The following QRFPR variants were observed in gnomAD, a reference collection of about 807,000 sequenced individuals.
The protein encoded by QRFPR is pyroglutamylated RF-amide peptide receptor.
In QRFPR, 37 loss-of-function variants were observed where a neutral mutation model predicts 31.3. The ratio of observed to expected loss-of-function variants is 1.18; its 90% CI spans 0.91 to 1.56. QRFPR has a LOEUF of 1.56. Ranked by LOEUF, QRFPR falls within the 40% of genes most tolerant of loss-of-function variation. QRFPR has a pLI of 0.00. For missense variants in QRFPR, 542 were observed against 532.5 expected, an observed-to-expected ratio of 1.02 and a Z score of -0.18; for synonymous variants, 197 against 192.0, an observed-to-expected ratio of 1.03 and a Z score of -0.22.
chr4:121,369,449 A>G, intron 1 of QRFPR: 3 of 952,522 alleles, frequency 3.1e-6, no homozygotes, highest in Non-Finnish European at 4.9e-6. Context: ...AGTGGGTGTG[A>G]GCACATTCAA....
In QRFPR at chr4:121,340,608, C is replaced by A. The variant is rs1025173784; in HGVS notation, c.343G>T (p.Ala115Ser). The part of the protein sequence containing the change: ...QNISDNWLGG[A>S]FICKMVPFVQ... Reference sequence around the variant, plus strand: ...AATGGCACCATCTTGCAAATGAAAGCACCTGCAGTAAGGAAATAGGACAAA... The same window carrying A: ...AATGGCACCATCTTGCAAATGAAAGAACCTGCAGTAAGGAAATAGGACAAA... The change falls in exon 2 of 6, where the codon GCT becomes TCT. Residue 115 changes from alanine to serine, a missense_variant and splice_region_variant. Transcript: ENST00000394427. 2.5e-6 allele frequency: 4 copies of A among 1,613,160 alleles called. No homozygotes were observed. Among genetic ancestry groups the A allele is most frequent in the Non-Finnish European group, 3.4e-6 (4 of 1,179,328 alleles).
chr4:121,380,556 A>C lies in QRFPR; in HGVS notation c.92T>G (p.Leu31Arg), dbSNP rs1226621087. 1.0e-5 allele frequency: 16 copies of C among 1,607,806 alleles called. No homozygotes were observed. The highest frequency in any genetic ancestry group is 1.4e-5 in the Non-Finnish European group (16 of 1,177,436). ...CTCTGGGGTGTAGACGAGCGGTCGC[A>C]GCCGGTACAGAGCGATGAACTGCTC... The part of the protein sequence containing the change: ...TREQFIALYR[L>R]RPLVYTPELP... The change falls in exon 1 of 6, where the codon CTG (leucine) becomes CGG (arginine). Residue 31 changes from leucine (L) to arginine (R), a missense_variant. Leu to Arg is a moderately radical substitution (Grantham distance 102). Transcript: ENST00000394427.
intron 1 of QRFPR, chr4:121,370,045 G>A: frequency 3.9e-6 from 3 of 772,894 alleles, no homozygotes; most frequent in East Asian, 2.4e-5. Flanking sequence ...GACATGGGTA[G>A]CTTTAGCCTT....
chr4:121,380,538 G>T lies in QRFPR; in HGVS notation c.110C>A (p.Thr37Asn). The change falls in exon 1 of 6, where the codon ACC (threonine) becomes AAC (asparagine). Residue 37 changes from threonine (T) to asparagine (N), a missense_variant. Thr to Asn is a moderately conservative substitution (Grantham distance 65). Transcript: ENST00000394427. Reference protein sequence around the residue: ...ALYRLRPLVYTPELPGRAKLA... With the variant: ...ALYRLRPLVYNPELPGRAKLA... ...CTTGGCGCGTCCCGGCAGCTCTGGG[G>T]TGTAGACGAGCGGTCGCAGCCGGTA... 1 of 1,612,536 alleles carries T rather than the reference G, an allele frequency of 6.2e-7. No individual in the cohort carries two copies. Among genetic ancestry groups the T allele is most frequent in the Non-Finnish European group, 8.5e-7 (1 of 1,179,318 alleles).
chr4:121,365,342 T>C (rs1179985048), intron 1 of QRFPR, among the ~76,000 whole-genome samples: 1 of 141,508 alleles, frequency 7.1e-6, no homozygotes, highest in Non-Finnish European at 1.5e-5. Context: ...TAGTCCCAGC[T>C]ACTCGGGAGG....
chr4:121,380,228 AGAGAG>A, intron 1 of QRFPR, 75 bp downstream of exon 1: 2 of 960,882 alleles, frequency 2.1e-6, no homozygotes, highest in East Asian at 5.0e-5. Flanking sequence ...AGAGAGAGAG[AGAGAG>A]AGAGAGAGAG....
intron 1 of QRFPR, among the ~76,000 whole-genome samples, chr4:121,365,602 AAT>A (rs1491541901): frequency 1.5e-4 from 2 of 12,930 alleles, no homozygotes; most frequent in African/African-American, 9.1e-4. Flanking sequence ...ATATATATAT[AAT>A]ATATATATTA....
chr4:121,340,241 C>T, intron 2 of QRFPR: 1 of 556,934 alleles, frequency 1.8e-6, no homozygotes, highest in Non-Finnish European at 3.2e-6. Flanking sequence ...AAAAAGTATA[C>T]CCAAAATGAT....
chr4:121,356,498 C>G (rs1165651878), intron 1 of QRFPR, among the ~76,000 whole-genome samples: 1 of 152,128 alleles, frequency 6.6e-6, no homozygotes, highest in Non-Finnish European at 1.5e-5. Context: ...TTGAAGAGTT[C>G]AGTATTTATT....
chr4:121,331,940 G>A (rs1297612967), intron 4 of QRFPR, among the ~76,000 whole-genome samples: 1 of 152,096 alleles, frequency 6.6e-6, no homozygotes, highest in African/African-American at 2.4e-5. Context: ...GGCGTGAGCC[G>A]CTGCACCTGG....
chr4:121,329,535 C>T lies in QRFPR; in HGVS notation c.1075G>A (p.Ala359Thr), dbSNP rs1177581919. 5.6e-6 allele frequency: 9 copies of T among 1,613,828 alleles called. No homozygotes were observed. In the East Asian group the frequency reaches 1.6e-4, roughly 28 times the overall value. ...YCIVNKTFSP[A>T]QRHGNSGITM... ...ATTCCTGAATTTCCATGCCTTTGTGCTGGAGAGAAGGTTTTATTTACTATG... is the reference window on the plus strand; with the variant it reads ...ATTCCTGAATTTCCATGCCTTTGTGTTGGAGAGAAGGTTTTATTTACTATG... Residue 359 changes from alanine to threonine, a missense_variant, in exon 6 of 6, where the codon GCA (alanine) becomes ACA (threonine). Ala to Thr is a moderately conservative substitution (Grantham distance 58). Transcript: ENST00000394427.
chr4:121,349,398 A>T (rs1725721842), intron 1 of QRFPR, among the ~76,000 whole-genome samples: 1 of 152,216 alleles, frequency 6.6e-6, no homozygotes, highest in African/African-American at 2.4e-5. Flanking sequence ...ACAGATATAG[A>T]TATAGATACA....
At chr4:121,365,641 T>A (rs187877609) in intron 1 of QRFPR, among the ~76,000 whole-genome samples, 5,193 of 18,368 alleles carry the variant, frequency 0.28, 719 homozygotes, top group East Asian at 0.54. Context: ...TATATATATT[T>A]TATATATTAT....
In QRFPR at chr4:121,361,681, T is replaced by C. The variant is rs1013506834; in HGVS notation, c.340+18627A>G. ...AGGTGATGCTGATGCTGCGTGTCCA[T>C]GGACCAGGCTTTAAACAGCACGAAA... On this transcript the variant is annotated intron_variant, in intron 1 of 5. Transcript: ENST00000394427. 8.7e-5 allele frequency among the ~76,000 whole-genome samples: 13 copies of C among 150,232 alleles called. 2 individuals carry two copies. Among genetic ancestry groups the C allele is most frequent in the African/African-American group, 2.5e-5 (1 of 40,602 alleles).
At chr4:121,376,432 T>C (rs565138683) in intron 1 of QRFPR, among the ~76,000 whole-genome samples, 8 of 152,196 alleles carry the variant, frequency 5.3e-5, no homozygotes, top group Non-Finnish European at 1.2e-4. Context: ...AACATGTTTG[T>C]GGCTACACTT....
At chr4:121,364,375 G>A (rs1209982195) in intron 1 of QRFPR, among the ~76,000 whole-genome samples, 1 of 150,240 alleles carries the variant, frequency 6.7e-6, no homozygotes, top group African/African-American at 2.5e-5. Flanking sequence ...GGTGGCTCAC[G>A]CCTGTAATCC....
chr4:121,357,993 CATAT>C (rs1197577673), intron 1 of QRFPR, among the ~76,000 whole-genome samples: 1 of 152,150 alleles, frequency 6.6e-6, no homozygotes, highest in East Asian at 1.9e-4. Flanking sequence ...GGCTGTGCAA[CATAT>C]ATACTCTCCC....
chr4:121,379,723 T>C (rs1194233199), intron 1 of QRFPR, among the ~76,000 whole-genome samples: 2 of 152,164 alleles, frequency 1.3e-5, no homozygotes, highest in Non-Finnish European at 2.9e-5. Context: ...CTTAATACAG[T>C]TTTTAAAAGG....
In QRFPR at chr4:121,380,572, T is replaced by A; in HGVS notation, c.76A>T (p.Ile26Phe). 1 of 1,606,598 alleles carries A rather than the reference T, an allele frequency of 6.2e-7. No individual in the cohort carries two copies. Among genetic ancestry groups the A allele is most frequent in the Non-Finnish European group, 8.5e-7 (1 of 1,176,550 alleles). ...RDHNLTREQFIALYRLRPLVY... is the reference protein window; with the variant it reads ...RDHNLTREQFFALYRLRPLVY... ...AGCGGTCGCAGCCGGTACAGAGCGA[T>A]GAACTGCTCCCGCGTCAGGTTGTGG... The change falls in exon 1 of 6, where the codon ATC becomes TTC. Residue 26 changes from isoleucine (I) to phenylalanine (F), a missense_variant. Transcript: ENST00000394427.
Sources: gnomAD v4.1 joint callset for allele counts (sites outside exome capture counted in the v4.1 genomes callset) on GRCh38, gnomAD v4.1.1 for gene constraint, MANE v1.5 for transcripts, NCBI Gene and HGNC (gene_info 2026-07-23, HGNC 2026-07-21) for gene names.